The following PRCC variants were observed in gnomAD, a reference collection of about 807,000 sequenced individuals.
PRCC encodes proline-rich protein PRCC.
In PRCC, 10 loss-of-function variants were observed where a neutral mutation model predicts 44.0. The ratio of observed to expected loss-of-function variants is 0.23; its 90% confidence interval spans 0.14 to 0.39. The LOEUF (loss-of-function observed/expected upper bound fraction) is 0.39, where lower values mean the gene tolerates loss of function less well. Among genes scored for constraint, PRCC ranks in the 10% least tolerant of loss-of-function variants. The probability of loss-of-function intolerance (pLI) is 1.00; values close to 1 mark genes in which losing one functional copy is unlikely to be tolerated. For synonymous variants in PRCC, 278 were observed against 259.5 expected, an observed-to-expected ratio of 1.07 and a Z score of -0.69; for missense variants, 573 against 624.7, an observed-to-expected ratio of 0.92 and a Z score of 0.88.
intron 1 of PRCC, among the ~76,000 whole-genome samples, chr1:156,779,746 C>CT (rs951663768): frequency 1.2e-4 from 18 of 151,348 alleles, no homozygotes; most frequent in African/African-American, 3.9e-4. Context: ...ATTTCATCTT[C>CT]TTTTTTTTAA....
chr1:156,794,772 A>G lies in PRCC; in HGVS notation c.1287A>G (p.Ser429=), dbSNP rs777177184. 1 of 1,614,238 alleles carries G rather than the reference A, an allele frequency of 6.2e-7. No homozygotes were observed. The highest frequency in any genetic ancestry group is 1.1e-5 in the South Asian group (1 of 91,084). ...GGGCCCAGCAATGGATGACTAAGTC[A>G]TTGACAGAAGAGAAAACCATGAAGT... The part of the protein sequence containing the change: ...LSGAQQWMTK[S]LTEEKTMKSF... Residue 429 remains serine (S), a synonymous_variant, in exon 5 of 7, where the codon TCA becomes TCG. Transcript: ENST00000271526.
At chr1:156,786,228 C>T (rs1166564577) in intron 2 of PRCC, among the ~76,000 whole-genome samples, 1 of 152,026 alleles carries the variant, frequency 6.6e-6, no homozygotes, top group Non-Finnish European at 1.5e-5. Flanking sequence ...CTTCAGGACA[C>T]GGAGAGAGGT....
In PRCC at chr1:156,797,201, A is replaced by G. The variant is rs184453681; in HGVS notation, c.1324-75A>G. On this transcript the variant is annotated intron_variant, in intron 5 of 6. Coordinates refer to ENST00000271526, the MANE Select transcript of PRCC (RefSeq NM_005973.5). ...TGGAATTGGCTTCTCAGCCCCTAACACCACACCATCTGGGCACATGAGAAA... is the reference window on the plus strand; with the variant it reads ...TGGAATTGGCTTCTCAGCCCCTAACGCCACACCATCTGGGCACATGAGAAA... 2,682 of 1,590,032 alleles carry G rather than the reference A, an allele frequency of 1.7e-3. 81 individuals are homozygous for G. In the Admixed American group the frequency reaches 0.041, roughly 25 times the overall value.
Position 156,768,070 on chromosome 1 carries a change from A to T in PRCC, c.299A>T (p.Glu100Val). The stretch of plus-strand genomic sequence containing the variant: ...CCACCTCCAGGCGTGAGCCCGGCTG[A>T]AGCGGCGGGAGTTGGGGAGGGACTG... The part of the protein sequence containing the change: ...FPPPPGVSPA[E>V]AAGVGEGLGL... The change falls in exon 1 of 7, where the codon GAA becomes GTA. Residue 100 changes from glutamate to valine, a missense_variant. By Grantham distance (121) the Glu-to-Val change is moderately radical. Coordinates refer to ENST00000271526, the MANE Select transcript of PRCC (RefSeq NM_005973.5). The T allele has an allele frequency of 6.3e-7, 1 of 1,590,004 alleles. No homozygotes were observed. The highest frequency in any genetic ancestry group is 1.1e-5 in the South Asian group (1 of 88,086).
At chr1:156,786,416 G>T (rs1039086119) in intron 2 of PRCC, among the ~76,000 whole-genome samples, 192 bp from the exon 3 acceptor site, 3 of 152,182 alleles carry the variant, frequency 2.0e-5, no homozygotes, top group African/African-American at 7.2e-5. Flanking sequence ...GAAGCAGCCC[G>T]CAGAAAGGCC....
In PRCC at chr1:156,786,531, T is replaced by C; in HGVS notation, c.517-77T>C. On this transcript the variant is annotated intron_variant, in intron 2 of 6. Transcript: ENST00000271526. ...AGGCTAGAGAACTTATCTGTAACTGTTGTTTTTGGTGTTGCTAGTACATAA... is the reference window on the plus strand; with the variant it reads ...AGGCTAGAGAACTTATCTGTAACTGCTGTTTTTGGTGTTGCTAGTACATAA... 2.1e-6 allele frequency: 3 copies of C among 1,415,888 alleles called. No homozygotes were observed. The East Asian group carries it at 6.9e-5, about 33-fold the overall frequency. The allele number at this position is 1,415,888 out of a possible 1,614,324, so 87.7% of individuals were successfully genotyped here.
chr1:156,775,108 C>T (rs373485992), intron 1 of PRCC, among the ~76,000 whole-genome samples: 7 of 151,934 alleles, frequency 4.6e-5, no homozygotes, highest in South Asian at 2.1e-4. Flanking sequence ...ATTAGCCAAG[C>T]GTGGTGGCGG....
At chr1:156,797,734 T>G (rs1652707674) in intron 6 of PRCC, among the ~76,000 whole-genome samples, 1 of 151,876 alleles carries the variant, frequency 6.6e-6, no homozygotes, top group African/African-American at 2.4e-5. Flanking sequence ...GATGAAGAGG[T>G]TGGTTTTATA....
At chr1:156,785,933 T>C (rs1652230520) in intron 2 of PRCC, among the ~76,000 whole-genome samples, 2 of 151,540 alleles carry the variant, frequency 1.3e-5, no homozygotes, top group African/African-American at 2.4e-5. Context: ...TGCCTCAGCC[T>C]CCCAAGTAGC....
At chr1:156,784,136 A>G (rs1056464999) in intron 2 of PRCC, among the ~76,000 whole-genome samples, 2 of 152,014 alleles carry the variant, frequency 1.3e-5, no homozygotes, top group African/African-American at 4.8e-5. Flanking sequence ...TTTAGTAGAG[A>G]TGGGGTTTCA....
chr1:156,790,108 T>C (rs1652422964), intron 3 of PRCC, among the ~76,000 whole-genome samples: 1 of 152,264 alleles, frequency 6.6e-6, no homozygotes, highest in South Asian at 2.1e-4. Flanking sequence ...CTGGGATGGT[T>C]GGAAGACTTA....
At chr1:156,791,303 C>T in intron 3 of PRCC, 1 of 581,528 alleles carries the variant, frequency 1.7e-6, no homozygotes, top group South Asian at 1.7e-5. Flanking sequence ...CCTTCTCGTC[C>T]CTGCTCGCAT....
At position 156,800,729 on chromosome 1, in the gene PRCC, G is replaced by A. The variant is rs1394931632; in HGVS notation, c.*269G>A. On this transcript the variant is annotated 3_prime_UTR_variant, in exon 7 of 7. Coordinates refer to ENST00000271526, the MANE Select transcript of PRCC (RefSeq NM_005973.5). ...GTGGGAGTTTTGCTCTCTGTCAGGTGTGATAAAATGTTGAACCCTCCCCAC... is the reference window on the plus strand; with the variant it reads ...GTGGGAGTTTTGCTCTCTGTCAGGTATGATAAAATGTTGAACCCTCCCCAC... 2 of 370,388 alleles carry A rather than the reference G, an allele frequency of 5.4e-6. No individual in the cohort carries two copies. Among genetic ancestry groups the A allele is most frequent in the Non-Finnish European group, 9.9e-6 (2 of 202,346 alleles). 22.9% of individuals were successfully genotyped at this position (370,388 alleles called of 1,614,324 possible).
intron 4 of PRCC, 24 bp downstream of exon 4, chr1:156,791,816 C>A (rs1232748778): frequency 1.1e-5 from 17 of 1,586,358 alleles, no homozygotes; most frequent in Non-Finnish European, 1.4e-5. Context: ...GCACAAGTGA[C>A]CATCTTTGAC....
Position 156,800,525 on chromosome 1 carries a change from C to A in PRCC, c.*65C>A. The stretch of plus-strand genomic sequence containing the variant: ...CAGCTGGCCTGGCCCCCAGCTTCAC[C>A]TCTGGGACCCCAGCTGCTCTAAGCC... On this transcript the variant is annotated 3_prime_UTR_variant, in exon 7 of 7. Transcript: ENST00000271526. 1 of 1,520,296 alleles carries A rather than the reference C, an allele frequency of 6.6e-7. No homozygotes were observed. The highest frequency in any genetic ancestry group is 9.1e-7 in the Non-Finnish European group (1 of 1,095,628). 94.2% of individuals were successfully genotyped at this position (1,520,296 alleles called of 1,614,324 possible).
intron 1 of PRCC, among the ~76,000 whole-genome samples, chr1:156,775,208 A>G (rs1281896657): frequency 1.3e-5 from 2 of 151,948 alleles, no homozygotes; most frequent in Admixed American, 1.3e-4. Flanking sequence ...AGATTGCGCC[A>G]CTGCACTCCA....
At position 156,767,691 on chromosome 1, in the gene PRCC, G is replaced by A; in HGVS notation, c.-81G>A. On this transcript the variant is annotated 5_prime_UTR_variant, in exon 1 of 7. Transcript: ENST00000271526. ...CGGTTCCCCGCCCCGCCAGGTGGCG[G>A]GGCCTACTAGGCCTCCGGGCATCCC... The A allele has an allele frequency of 7.2e-7, 1 of 1,396,140 alleles. No individual in the cohort carries two copies. The highest frequency in any genetic ancestry group is 9.5e-7 in the Non-Finnish European group (1 of 1,048,060). 86.5% of individuals were successfully genotyped at this position (1,396,140 alleles called of 1,614,324 possible). A position where few individuals can be genotyped will look rare whatever the true frequency, so the allele number is the denominator to read the frequency against.
chr1:156,787,145 G>T lies in PRCC; in HGVS notation c.1054G>T (p.Asp352Tyr). The T allele has an allele frequency of 6.2e-7, 1 of 1,609,316 alleles. No homozygotes were observed. Among genetic ancestry groups the T allele is most frequent in the East Asian group, 2.2e-5 (1 of 44,762 alleles). Residue 352 changes from aspartate (D) to tyrosine (Y), a missense_variant, in exon 3 of 7, where the codon GAT (aspartate) becomes TAT (tyrosine). Transcript: ENST00000271526. Reference protein sequence around the residue: ...YSYNQFSTYGDANAAGAYYQD... With the variant: ...YSYNQFSTYGYANAAGAYYQD... ...CTACAATCAGTTTTCCACATATGGC[G>T]ATGCCAATGCCGCTGGTGCTTATTA...
chr1:156,783,836 TCTC>T (rs1211136702), intron 2 of PRCC, among the ~76,000 whole-genome samples: 1 of 152,140 alleles, frequency 6.6e-6, no homozygotes, highest in Non-Finnish European at 1.5e-5. Flanking sequence ...CAAGTGGCCT[TCTC>T]CTGACTCAGT....
Sources: allele counts gnomAD v4.1 joint callset (sites outside exome capture counted in the v4.1 genomes callset), GRCh38; gene constraint gnomAD v4.1.1; transcripts MANE v1.5; gene names NCBI Gene and HGNC (gene_info 2026-07-23, HGNC 2026-07-21).